The following UGT1A9 variants were observed in gnomAD, a reference collection of about 807,000 sequenced individuals.
The protein encoded by UGT1A9 is UDP glucuronosyltransferase family 1 member A9.
UGT1A9 carries 35 observed loss-of-function variants against 45.0 expected under a neutral mutation model. The ratio of observed to expected loss-of-function variants is 0.78; its 90% CI spans 0.59 to 1.03. The LOEUF (loss-of-function observed/expected upper bound fraction) is 1.03, where lower values mean the gene tolerates loss of function less well. UGT1A9 is among the 50% of genes least tolerant of loss of function. UGT1A9 has a pLI of 0.00. For missense variants in UGT1A9, 687 were observed against 666.6 expected (o/e 1.03, Z -0.34); for synonymous variants, 278 against 250.6 (o/e 1.11, Z -1.03).
chr2:233,682,318 G>A (rs1468260604), intron 1 of UGT1A9: 8 of 1,613,998 alleles, frequency 5.0e-6, no homozygotes, highest in Non-Finnish European at 6.8e-6. Context: ...GCAGGAGTTT[G>A]TTTAATGACC....
chr2:233,735,494 C>T (rs1320863859), intron 1 of UGT1A9, among the ~76,000 whole-genome samples: 1 of 152,164 alleles, frequency 6.6e-6, no homozygotes, highest in Non-Finnish European at 1.5e-5. Flanking sequence ...TTAATTGCAG[C>T]ATTTAGCCCA....
In UGT1A9 at chr2:233,693,777, A is replaced by G. The variant is rs112793692; in HGVS notation, c.855+20988A>G. 1.7e-5 allele frequency: 27 copies of G among 1,614,218 alleles called. No homozygotes were observed. In the African/African-American group the frequency reaches 1.7e-4, roughly 10 times the overall value. On this transcript the variant is annotated intron_variant, in intron 1 of 4. Coordinates refer to ENST00000354728, the MANE Select transcript of UGT1A9 (RefSeq NM_021027.3). ...GTCTCTGTTTGGCTGTTAAGATATG[A>G]CTTTGTGCTTGAATATCCTAGGCCG...
At chr2:233,735,436 C>T (rs1234543811) in intron 1 of UGT1A9, among the ~76,000 whole-genome samples, 1 of 152,154 alleles carries the variant, frequency 6.6e-6, no homozygotes, top group Non-Finnish European at 1.5e-5. Flanking sequence ...CTGAATACAG[C>T]ATACCGATGG....
intron 1 of UGT1A9, among the ~76,000 whole-genome samples, chr2:233,705,148 AAGAGAG>A (rs939982250): frequency 6.6e-6 from 1 of 150,886 alleles, no homozygotes; most frequent in Non-Finnish European, 1.5e-5. Flanking sequence ...AAAAAAAAAA[AAGAGAG>A]AGAGAGAGAG....
intron 1 of UGT1A9, among the ~76,000 whole-genome samples, chr2:233,754,083 T>G (rs950704601): frequency 2.0e-5 from 3 of 152,238 alleles, no homozygotes; most frequent in Non-Finnish European, 4.4e-5. Flanking sequence ...TAACCTTTTA[T>G]CTAAATAATG....
At chr2:233,718,198 T>C (rs545354446) in intron 1 of UGT1A9, among the ~76,000 whole-genome samples, 1 of 152,168 alleles carries the variant, frequency 6.6e-6, no homozygotes, top group African/African-American at 2.4e-5. Flanking sequence ...TCCCCGGAGC[T>C]TTTTTTTATA....
At chr2:233,743,389 C>G (rs1429272187) in intron 1 of UGT1A9, 2 of 1,242,542 alleles carry the variant, frequency 1.6e-6, no homozygotes, top group Non-Finnish European at 2.1e-6. Context: ...GTAGGACATG[C>G]AGAAGGAAGA....
intron 1 of UGT1A9, among the ~76,000 whole-genome samples, chr2:233,730,680 C>A (rs1218688522): frequency 6.6e-6 from 1 of 152,088 alleles, no homozygotes; most frequent in Admixed American, 6.6e-5. Context: ...GTAATGGTTG[C>A]ATCTCAAATG....
intron 1 of UGT1A9, 73 bp downstream of exon 1, chr2:233,672,862 T>C: frequency 6.5e-7 from 1 of 1,527,460 alleles, no homozygotes; most frequent in Non-Finnish European, 8.8e-7. Flanking sequence ...TTTACTGAAC[T>C]GTGATTTGAC....
At chr2:233,703,008 A>T (rs1220956352) in intron 1 of UGT1A9, among the ~76,000 whole-genome samples, 1 of 152,230 alleles carries the variant, frequency 6.6e-6, no homozygotes, top group Admixed American at 6.5e-5. Context: ...TTTTGGGAAC[A>T]GTCTGTCAAG....
At chr2:233,708,006 A>G (rs1486589332) in intron 1 of UGT1A9, among the ~76,000 whole-genome samples, 1 of 152,158 alleles carries the variant, frequency 6.6e-6, no homozygotes, top group Non-Finnish European at 1.5e-5. Context: ...TTATGTATGC[A>G]TTCTGGATAC....
At chr2:233,697,760 A>G (rs1285792706) in intron 1 of UGT1A9, among the ~76,000 whole-genome samples, 1 of 152,082 alleles carries the variant, frequency 6.6e-6, no homozygotes, top group Admixed American at 6.5e-5. Flanking sequence ...ATAGATTTTG[A>G]TACATTGTGT....
At position 233,719,386 on chromosome 2, in the gene UGT1A9, A is replaced by G. The variant is rs141300284; in HGVS notation, c.855+46597A>G. The G allele has an allele frequency of 2.9e-5, 47 of 1,613,822 alleles. No homozygotes were observed. In the African/African-American group the frequency reaches 4.3e-4, roughly 15 times the overall value. ...GACTTTAAGGGCACACAGTGTCCAA[A>G]TCCTTCCTCCTATATTCCTAAGTTA... is the stretch of plus-strand genomic sequence containing the variant. On this transcript the variant is annotated intron_variant, in intron 1 of 4. Transcript: ENST00000354728.
chr2:233,732,874 G>A (rs1220552637), intron 1 of UGT1A9, among the ~76,000 whole-genome samples: 1 of 151,670 alleles, frequency 6.6e-6, no homozygotes, highest in Non-Finnish European at 1.5e-5. Context: ...GATGGGTTTG[G>A]CATTGAATCT....
At chr2:233,767,618 CA>C (rs1300150978) in intron 2 of UGT1A9, among the ~76,000 whole-genome samples, 2 of 152,178 alleles carry the variant, frequency 1.3e-5, no homozygotes, top group Non-Finnish European at 2.9e-5. Flanking sequence ...CCTAAGTGCA[CA>C]GCTTGATAAA....
chr2:233,726,371 C>T (rs1294856696), intron 1 of UGT1A9, among the ~76,000 whole-genome samples: 5 of 152,074 alleles, frequency 3.3e-5, no homozygotes, highest in Non-Finnish European at 2.9e-5. Context: ...ACAACAAAAA[C>T]CAAAATTGCT....
At position 233,756,997 on chromosome 2, in the gene UGT1A9, A is replaced by G. The variant is rs1051475353; in HGVS notation, c.856-10037A>G. Among the ~76,000 whole-genome samples the G allele has an allele frequency of 5.9e-5, 9 of 151,946 alleles. No homozygotes were observed. The highest frequency in any genetic ancestry group is 1.9e-4 in the African/African-American group (8 of 41,328). On this transcript the variant is annotated intron_variant, in intron 1 of 4. Coordinates refer to ENST00000354728, the MANE Select transcript of UGT1A9 (RefSeq NM_021027.3). ...AATGAACAGTCATAGTAAGCTGGCC[A>G]AGGGTAGAGTTCAGTTTGAACAAAG...
intron 1 of UGT1A9, among the ~76,000 whole-genome samples, chr2:233,681,313 T>A (rs2074518201): frequency 6.6e-6 from 1 of 151,918 alleles, no homozygotes; most frequent in African/African-American, 2.4e-5. Context: ...ATGGGCAGAT[T>A]GCCTGAGCTC....
At chr2:233,765,091 C>T (rs1473276364) in intron 1 of UGT1A9, among the ~76,000 whole-genome samples, 1 of 152,110 alleles carries the variant, frequency 6.6e-6, no homozygotes, top group Non-Finnish European at 1.5e-5. Context: ...TCTAGGGTGA[C>T]CAGCATCCTG....
Sources: allele counts gnomAD v4.1 joint callset (sites outside exome capture counted in the v4.1 genomes callset), GRCh38; gene constraint gnomAD v4.1.1; transcripts MANE v1.5; gene names NCBI Gene and HGNC (gene_info 2026-07-23, HGNC 2026-07-21).